Variants in RBMS1 observed in about 807,000 individuals in gnomAD.
RBMS1 encodes the protein RNA-binding motif, single-stranded-interacting protein 1.
In RBMS1, 17 loss-of-function variants were observed where a neutral mutation model predicts 62.3. The observed-to-expected ratio is 0.27, with a 90% CI of 0.19 to 0.41. The LOEUF is 0.41. Among genes scored for constraint, RBMS1 ranks in the 10% least tolerant of loss-of-function variants. The pLI, the probability that RBMS1 is intolerant of heterozygous loss-of-function variation, is 1.00. For missense variants in RBMS1, 334 were observed against 504.5 expected, an observed-to-expected ratio of 0.66 and a Z score of 3.24; for synonymous variants, 172 against 170.0, an observed-to-expected ratio of 1.01 and a Z score of -0.09.
intron 2 of RBMS1, among the ~76,000 whole-genome samples, chr2:160,347,646 C>A (rs868604141): frequency 6.6e-6 from 1 of 152,078 alleles, no homozygotes; most frequent in African/African-American, 2.4e-5. Context: ...GGTGAAATCA[C>A]CTGAAGGTCT....
intron 1 of RBMS1, among the ~76,000 whole-genome samples, chr2:160,390,277 G>C (rs910721608): frequency 2.0e-5 from 3 of 152,208 alleles, no homozygotes; most frequent in African/African-American, 7.2e-5. Context: ...GGAAGAGGTA[G>C]ACCTTGAATT....
intron 2 of RBMS1, among the ~76,000 whole-genome samples, chr2:160,343,458 T>C (rs931088252): frequency 6.6e-6 from 1 of 152,172 alleles, no homozygotes; most frequent in African/African-American, 2.4e-5. Flanking sequence ...GGTCTGCATA[T>C]GAAAATGGAA....
At chr2:160,434,788 G>A (rs1002398852) in intron 1 of RBMS1, among the ~76,000 whole-genome samples, 5 of 152,110 alleles carry the variant, frequency 3.3e-5, no homozygotes, top group African/African-American at 9.7e-5. Context: ...ATTATCTTGC[G>A]GCCAGCAGGA....
intron 1 of RBMS1, among the ~76,000 whole-genome samples, chr2:160,406,530 A>G (rs1240643891): frequency 6.6e-6 from 1 of 152,226 alleles, no homozygotes; most frequent in Non-Finnish European, 1.5e-5. Context: ...TGGAGGAAAA[A>G]TATCTGCAAT....
chr2:160,426,218 G>GAAGAAGGAAAGA (rs1682566011), intron 1 of RBMS1, among the ~76,000 whole-genome samples: 1 of 48,676 alleles, frequency 2.1e-5, no homozygotes, highest in Non-Finnish European at 4.1e-5. Context: ...GAGAGAGACA[G>GAAGAAGGAAAGA]AAGAAAGAAA....
At chr2:160,403,405 C>G (rs973065343) in intron 1 of RBMS1, among the ~76,000 whole-genome samples, 5 of 152,122 alleles carry the variant, frequency 3.3e-5, no homozygotes, top group East Asian at 1.9e-4. Context: ...TAACAAAACC[C>G]AATCTACTAA....
At chr2:160,343,149 C>A (rs1691974698) in intron 2 of RBMS1, among the ~76,000 whole-genome samples, 1 of 152,090 alleles carries the variant, frequency 6.6e-6, no homozygotes, top group Non-Finnish European at 1.5e-5. Context: ...AAATGCTACA[C>A]CCAAGGAGGG....
intron 1 of RBMS1, among the ~76,000 whole-genome samples, chr2:160,462,811 G>A (rs1444404311): frequency 3.9e-5 from 6 of 152,142 alleles, no homozygotes; most frequent in African/African-American, 1.4e-4. Flanking sequence ...TGGCCAGCTG[G>A]TCTCGAACTC....
At chr2:160,467,293 C>T (rs1426912857) in intron 1 of RBMS1, among the ~76,000 whole-genome samples, 1 of 151,924 alleles carries the variant, frequency 6.6e-6, no homozygotes, top group African/African-American at 2.4e-5. Flanking sequence ...AAGGTGAAAG[C>T]CTAGCCACAA....
chr2:160,282,488 T>C (rs1688156572), intron 9 of RBMS1: 4 of 380,826 alleles, frequency 1.1e-5, no homozygotes, highest in South Asian at 8.2e-5. Flanking sequence ...CCTCACTGGA[T>C]ATATGATGGG....
intron 1 of RBMS1, among the ~76,000 whole-genome samples, chr2:160,430,970 G>T (rs987829574): frequency 6.6e-6 from 1 of 151,032 alleles, no homozygotes; most frequent in African/African-American, 2.4e-5. Flanking sequence ...CTCCTCCAGG[G>T]TTACCTGTGA....
intron 1 of RBMS1, among the ~76,000 whole-genome samples, chr2:160,405,093 A>T (rs1169536720): frequency 6.6e-6 from 1 of 152,230 alleles, no homozygotes; most frequent in African/African-American, 2.4e-5. Flanking sequence ...TTTTAAGATG[A>T]CTAAATGAGT....
chr2:160,321,414 G>A (rs983626646), intron 2 of RBMS1, among the ~76,000 whole-genome samples: 1 of 152,074 alleles, frequency 6.6e-6, no homozygotes, highest in East Asian at 1.9e-4. Context: ...CTTCTCTTAG[G>A]AAATTCATTC....
At chr2:160,439,499 C>T (rs1161242348) in intron 1 of RBMS1, among the ~76,000 whole-genome samples, 3 of 151,856 alleles carry the variant, frequency 2.0e-5, no homozygotes, top group East Asian at 3.9e-4. Flanking sequence ...GATGTGATGG[C>T]GGCCGGGAGG....
intron 2 of RBMS1, among the ~76,000 whole-genome samples, chr2:160,331,843 G>C (rs1174484579): frequency 6.6e-6 from 1 of 152,176 alleles, no homozygotes; most frequent in African/African-American, 2.4e-5. Context: ...GCAGTCACTA[G>C]AAGTTTTCTA....
chr2:160,470,942 A>G (rs1228067873), intron 1 of RBMS1, among the ~76,000 whole-genome samples: 1 of 152,248 alleles, frequency 6.6e-6, no homozygotes, highest in Non-Finnish European at 1.5e-5. Context: ...ATACAGTATT[A>G]GAAAGCATCT....
chr2:160,392,016 C>G (rs1178861557), intron 1 of RBMS1, among the ~76,000 whole-genome samples: 1 of 152,010 alleles, frequency 6.6e-6, no homozygotes, highest in Non-Finnish European at 1.5e-5. Flanking sequence ...AACGATTACA[C>G]AGATATGTGA....
At chr2:160,323,398 C>T (rs1013563570) in intron 2 of RBMS1, among the ~76,000 whole-genome samples, 1 of 151,670 alleles carries the variant, frequency 6.6e-6, no homozygotes, top group Non-Finnish European at 1.5e-5. Context: ...ATCACTTGGG[C>T]CTGGGAGGCA....
At chr2:160,480,223 CACA>C (rs774919062) in intron 1 of RBMS1, among the ~76,000 whole-genome samples, 10 of 151,848 alleles carry the variant, frequency 6.6e-5, no homozygotes, top group Non-Finnish European at 1.3e-4. Context: ...GATGGGGTGT[CACA>C]ACAACATCAA....
Sources: allele counts gnomAD v4.1 joint callset (sites outside exome capture counted in the v4.1 genomes callset), GRCh38; gene constraint gnomAD v4.1.1; transcripts MANE v1.5; gene names NCBI Gene and HGNC (gene_info 2026-07-23, HGNC 2026-07-21).